Variants in TMTC2 observed in about 807,000 individuals in gnomAD.
The protein encoded by TMTC2 is protein O-mannosyl-transferase TMTC2.
In TMTC2, 43 loss-of-function variants were observed where a neutral mutation model predicts 82.4. That is an observed-to-expected ratio of 0.52 (90% CI 0.41 to 0.67). TMTC2 has a LOEUF of 0.67. Among genes scored for constraint, TMTC2 ranks in the 30% least tolerant of loss-of-function variants. The pLI is 0.00. For synonymous variants in TMTC2, 408 were observed against 381.9 expected, an observed-to-expected ratio of 1.07 and a Z score of -0.80; for missense variants, 919 against 1,012.4, an observed-to-expected ratio of 0.91 and a Z score of 1.25.
At chr12:82,876,053 G>GAT (rs1872503295) in intron 2 of TMTC2, among the ~76,000 whole-genome samples, 1 of 135,646 alleles carries the variant, frequency 7.4e-6, no homozygotes, top group Admixed American at 7.2e-5. Flanking sequence ...TGGTGGTGGT[G>GAT]GTGGTGGTGG....
At position 83,106,206 on chromosome 12, in the gene TMTC2, A is replaced by G. The variant is rs532611738; in HGVS notation, c.2332-26004A>G. On this transcript the variant is annotated intron_variant, in intron 11 of 11. Transcript: ENST00000321196. ...ATGTCTATTTACAGCCACAAAGTATAAAATAGTGACTATCTTGGAATTTTC... is the reference window on the plus strand; with the variant it reads ...ATGTCTATTTACAGCCACAAAGTATGAAATAGTGACTATCTTGGAATTTTC... Among the ~76,000 whole-genome samples, 84 of 152,314 alleles carry G rather than the reference A, an allele frequency of 5.5e-4. 2 individuals carry two copies. In the South Asian group the frequency reaches 7.3e-3, roughly 13 times the overall value.
rs770622176 is a variant in TMTC2 at position 82,895,899 on chromosome 12, A to T, written c.736A>T (p.Met246Leu). ...CCTTTTGGGTGCCCGGTTATACTGGATGGGAAACAAACCACCAAGCTTTTC... is the reference window on the plus strand; with the variant it reads ...CCTTTTGGGTGCCCGGTTATACTGGTTGGGAAACAAACCACCAAGCTTTTC... ...SSLLGARLYW[M>L]GNKPPSFSNS... is the part of the protein sequence containing the mutation. The change falls in exon 3 of 12, where the codon ATG becomes TTG. Residue 246 changes from methionine to leucine, a missense_variant. Transcript: ENST00000321196. 1 of 1,613,868 alleles carries T rather than the reference A, an allele frequency of 6.2e-7. No individual in the cohort carries two copies. The highest frequency in any genetic ancestry group is 1.7e-5 in the Admixed American group (1 of 59,978).
At chr12:82,870,098 A>AATT (rs1266682919) in intron 2 of TMTC2, among the ~76,000 whole-genome samples, 1 of 152,174 alleles carries the variant, frequency 6.6e-6, no homozygotes, top group African/African-American at 2.4e-5. Flanking sequence ...CTGTCACTCA[A>AATT]ATTCATCATT....
At chr12:82,974,590 T>G (rs747564058) in intron 7 of TMTC2, among the ~76,000 whole-genome samples, 13 of 152,158 alleles carry the variant, frequency 8.5e-5, no homozygotes, top group Non-Finnish European at 1.9e-4. Context: ...ATACCTATCC[T>G]CAGTCATCAT....
At chr12:82,895,664 G>A (rs534835141) in intron 2 of TMTC2, among the ~76,000 whole-genome samples, 154 bp from the exon 3 acceptor site, 1 of 152,256 alleles carries the variant, frequency 6.6e-6, no homozygotes, top group South Asian at 2.1e-4. Flanking sequence ...CTCTAGGCGT[G>A]CTTGAAAGGT....
At chr12:82,876,400 T>C (rs1054498283) in intron 2 of TMTC2, among the ~76,000 whole-genome samples, 28 of 152,262 alleles carry the variant, frequency 1.8e-4, no homozygotes, top group African/African-American at 6.5e-4. Context: ...TGAGAGATAA[T>C]AGAAAGTTTA....
intron 8 of TMTC2, among the ~76,000 whole-genome samples, chr12:83,021,257 C>A (rs1880909570): frequency 6.6e-6 from 1 of 152,086 alleles, no homozygotes; most frequent in African/African-American, 2.4e-5. Flanking sequence ...GCCTATGGCA[C>A]CCTATCTAGT....
chr12:83,104,997 T>C (rs1884347958), intron 11 of TMTC2, among the ~76,000 whole-genome samples: 1 of 152,166 alleles, frequency 6.6e-6, no homozygotes, highest in Non-Finnish European at 1.5e-5. Context: ...AAATTTCTTC[T>C]GCCAGATACC....
chr12:82,885,677 A>G (rs1168291351), intron 2 of TMTC2, among the ~76,000 whole-genome samples: 1 of 152,060 alleles, frequency 6.6e-6, no homozygotes, highest in East Asian at 1.9e-4. Context: ...GGCTGGGTAT[A>G]TAGGTTTTGA....
At chr12:83,109,816 A>G (rs1217286011) in intron 11 of TMTC2, among the ~76,000 whole-genome samples, 1 of 152,194 alleles carries the variant, frequency 6.6e-6, no homozygotes, top group Non-Finnish European at 1.5e-5. Context: ...ATCTCTGCCT[A>G]TTCCATGCCT....
At chr12:82,801,246 G>T (rs1015638843) in intron 1 of TMTC2, among the ~76,000 whole-genome samples, 7 of 152,200 alleles carry the variant, frequency 4.6e-5, no homozygotes, top group South Asian at 4.2e-4. Context: ...CTTAAAGGCG[G>T]TGTGTCCGGA....
intron 7 of TMTC2, among the ~76,000 whole-genome samples, chr12:82,975,004 A>T (rs935134839): frequency 6.6e-6 from 1 of 152,130 alleles, no homozygotes; most frequent in Non-Finnish European, 1.5e-5. Context: ...AATTTCTGTG[A>T]TTCACTTAGG....
intron 3 of TMTC2, among the ~76,000 whole-genome samples, chr12:82,911,474 A>G (rs1321306778): frequency 6.6e-6 from 1 of 152,088 alleles, no homozygotes; most frequent in African/African-American, 2.4e-5. Flanking sequence ...ATTATCATCC[A>G]AGGGGATCTA....
intron 8 of TMTC2, among the ~76,000 whole-genome samples, chr12:83,018,689 G>T (rs1880786773): frequency 6.6e-6 from 1 of 151,036 alleles, no homozygotes; most frequent in East Asian, 1.9e-4. Context: ...TTATGAGGAG[G>T]AGGTGTTACC....
intron 1 of TMTC2, among the ~76,000 whole-genome samples, chr12:82,749,551 A>C (rs960917577): frequency 1.3e-5 from 2 of 152,008 alleles, no homozygotes; most frequent in African/African-American, 4.8e-5. Context: ...CAGCCTCAGC[A>C]CAAAGAACTG....
chr12:82,965,115 T>TAA lies in TMTC2; in HGVS notation c.1684+7_1684+8dup, dbSNP rs765663151. The TAA allele has an allele frequency of 1.9e-6, 3 of 1,598,036 alleles. No homozygotes were observed. Among genetic ancestry groups the TAA allele is most frequent in the African/African-American group, 1.3e-5 (1 of 74,350 alleles). The stretch of plus-strand genomic sequence containing the variant: ...GAGCAGGCCTACCCTGGCTTGTAAG[T>TAA]AATACTCAAGTGTTTATTTTTTTAT... On this transcript the variant is annotated splice_region_variant and intron_variant, in intron 5 of 11. Transcript: ENST00000321196.
At chr12:82,941,861 G>T (rs1876736915) in intron 4 of TMTC2, among the ~76,000 whole-genome samples, 1 of 152,110 alleles carries the variant, frequency 6.6e-6, no homozygotes, top group South Asian at 2.1e-4. Context: ...CCAGGTTCAA[G>T]CGATTCTCCT....
intron 1 of TMTC2, among the ~76,000 whole-genome samples, chr12:82,796,868 C>A (rs1359402642): frequency 6.6e-6 from 1 of 152,050 alleles, no homozygotes; most frequent in Non-Finnish European, 1.5e-5. Context: ...GCCTCAGTTT[C>A]CCCAGCTTTA....
chr12:82,915,083 C>T (rs1471921747), intron 3 of TMTC2, among the ~76,000 whole-genome samples: 3 of 152,212 alleles, frequency 2.0e-5, no homozygotes, highest in African/African-American at 7.2e-5. Context: ...CCTCAGCCTC[C>T]CAAAGTGCTG....
Sources: gnomAD v4.1 joint callset for allele counts (sites outside exome capture counted in the v4.1 genomes callset) on GRCh38, gnomAD v4.1.1 for gene constraint, MANE v1.5 for transcripts, NCBI Gene and HGNC (gene_info 2026-07-23, HGNC 2026-07-21) for gene names.